SEMA4B: variants seen among roughly 807,000 people sequenced by gnomAD.
SEMA4B encodes semaphorin 4B.
SEMA4B carries 55 observed loss-of-function variants against 88.1 expected under a neutral mutation model. That is an observed-to-expected ratio of 0.62 (90% CI 0.50 to 0.78). The LOEUF is 0.78. SEMA4B is among the 30% of genes least tolerant of loss of function. The pLI, the probability that SEMA4B is intolerant of heterozygous loss-of-function variation, is 0.00. For missense variants in SEMA4B, 1,062 were observed against 1,111.9 expected (o/e 0.96, Z 0.64); for synonymous variants, 525 against 473.6 (o/e 1.11, Z -1.41).
At chr15:90,198,814 A>G (rs2151590070), upstream of SEMA4B, among the ~76,000 whole-genome samples, 1 of 152,258 alleles carries the variant, frequency 6.6e-6, no homozygotes, top group South Asian at 2.1e-4. Flanking sequence ...TGTGAATGAG[A>G]TGGGGGAACC....
At position 90,227,642 on chromosome 15, in the gene SEMA4B, G is replaced by T. The variant is rs776790716; in HGVS notation, c.1774G>T (p.Gly592Trp). Residue 592 changes from glycine to tryptophan, a missense_variant and splice_region_variant, in exon 13 of 14, where the codon GGG becomes TGG. Coordinates refer to ENST00000411539, the MANE Select transcript of SEMA4B (RefSeq NM_198925.4). ...TGTGTCCCCGTCTTTTGTACCAACA[G>T]GTGAGGTGCCCCCTCAAAAGGTGGA... The part of the protein sequence containing the change: ...SVVSPSFVPT[G>W]EKPCEQVQFQ... 3.1e-6 allele frequency: 5 copies of T among 1,613,936 alleles called. No individual in the cohort carries two copies. The highest frequency in any genetic ancestry group is 4.2e-6 in the Non-Finnish European group (5 of 1,179,800).
At chr15:90,221,509 G>T (rs1270605179) in intron 6 of SEMA4B, 29 bp downstream of exon 6, 6 of 1,605,762 alleles carry the variant, frequency 3.7e-6, no homozygotes, top group Admixed American at 1.7e-5. Context: ...CACCCAGAGG[G>T]CAGGGATCCT....
chr15:90,189,158 C>T (rs762466954), intron 1 of SEMA4B, among the ~76,000 whole-genome samples: 20 of 146,900 alleles, frequency 1.4e-4, no homozygotes, highest in Non-Finnish European at 2.7e-4. Context: ...TGAGCGAGGG[C>T]AGGAAGAAAA....
At chr15:90,191,635 C>G (rs1283167519) in intron 1 of SEMA4B, among the ~76,000 whole-genome samples, 1 of 152,222 alleles carries the variant, frequency 6.6e-6, no homozygotes, top group Non-Finnish European at 1.5e-5. Flanking sequence ...ACAGAAGAAC[C>G]TGTGTGCTCA....
chr15:90,228,094 G>T lies in SEMA4B; in HGVS notation c.1965G>T (p.Gln655His). 1.2e-6 allele frequency: 2 copies of T among 1,612,900 alleles called. No individual in the cohort carries two copies. The highest frequency in any genetic ancestry group is 2.2e-5 in the East Asian group (1 of 44,878). The stretch of plus-strand genomic sequence containing the variant: ...GCACCCAACAGCTGGGGGAGTTCCA[G>T]TGCTGGTCACTAGAGGAGGGCTTCC... ...LVGTQQLGEF[Q>H]CWSLEEGFQQ... Residue 655 changes from glutamine to histidine, a missense_variant, in exon 14 of 14, where the codon CAG (glutamine) becomes CAT (histidine). By Grantham distance (24) the Gln-to-His change is conservative. Transcript: ENST00000411539.
rs1960818254 is a variant in SEMA4B, at chr15:90,202,996, AC to A, written c.157+1263del. On this transcript the variant is annotated intron_variant, in intron 1 of 13. Transcript: ENST00000411539. ...ACCTCAGCCACTTAGTAACCATGTG[AC>A]CTTGAGCAGGCTACTTAAAGTTTCT... Among the ~76,000 whole-genome samples, 4 of 152,208 alleles carry A rather than the reference AC, an allele frequency of 2.6e-5. 1 individual carries two copies. Among genetic ancestry groups the A allele is most frequent in the Admixed American group, 2.6e-4 (4 of 15,282 alleles).
At chr15:90,211,925 A>G (rs547034251) in intron 1 of SEMA4B, among the ~76,000 whole-genome samples, 1 of 151,942 alleles carries the variant, frequency 6.6e-6, no homozygotes, top group Non-Finnish European at 1.5e-5. Context: ...CCGTGCCCGG[A>G]GCCACAGTAG....
At chr15:90,186,912 G>A (rs1326187044) in intron 1 of SEMA4B, among the ~76,000 whole-genome samples, 3 of 151,884 alleles carry the variant, frequency 2.0e-5, no homozygotes, top group Non-Finnish European at 2.9e-5. Flanking sequence ...CAGCCTGGGC[G>A]ACAGAGCAAG....
At chr15:90,201,193 G>C, upstream of SEMA4B, 2 of 460,938 alleles carry the variant, frequency 4.3e-6, no homozygotes, top group Non-Finnish European at 5.7e-6. Flanking sequence ...CGGGGCTACT[G>C]ATCCCGGGCT....
chr15:90,223,264 T>TA (rs1258465452), intron 7 of SEMA4B, among the ~76,000 whole-genome samples: 2 of 152,208 alleles, frequency 1.3e-5, no homozygotes, highest in Non-Finnish European at 2.9e-5. Flanking sequence ...GTACTTATAT[T>TA]ATTAACTCAC....
At chr15:90,210,534 C>G (rs1441039871) in intron 1 of SEMA4B, among the ~76,000 whole-genome samples, 1 of 152,106 alleles carries the variant, frequency 6.6e-6, no homozygotes, top group African/African-American at 2.4e-5. Context: ...GGCGGCATCC[C>G]CACCACTCCT....
At chr15:90,196,630 G>A (rs1211238654), upstream of SEMA4B, among the ~76,000 whole-genome samples, 2 of 152,094 alleles carry the variant, frequency 1.3e-5, no homozygotes, top group African/African-American at 4.8e-5. Context: ...GGGACTACAG[G>A]TGCGTGCCAC....
chr15:90,188,033 C>T (rs566728441), intron 1 of SEMA4B, among the ~76,000 whole-genome samples: 203 of 149,342 alleles, frequency 1.4e-3, no homozygotes, highest in African/African-American at 4.7e-3. Context: ...AGAAAAGAAA[C>T]GTGGGTCAGG....
intron 2 of SEMA4B, 67 bp from the exon 3 acceptor site, chr15:90,217,700 T>C: frequency 6.2e-7 from 1 of 1,602,710 alleles, no homozygotes. Context: ...ATGATGCCTA[T>C]GGGAGAGGAG....
intron 1 of SEMA4B, among the ~76,000 whole-genome samples, chr15:90,191,235 C>T (rs1740514278): frequency 6.6e-6 from 1 of 152,190 alleles, no homozygotes; most frequent in African/African-American, 2.4e-5. Flanking sequence ...GGCTCCTCAC[C>T]ACAGCGGACG....
intron 1 of SEMA4B, among the ~76,000 whole-genome samples, chr15:90,208,766 A>G (rs948963917): frequency 2.9e-4 from 32 of 109,732 alleles, no homozygotes; most frequent in Non-Finnish European, 5.6e-4. Context: ...TTTTTTTTTG[A>G]GATGGGGTCT....
chr15:90,207,574 T>A (rs1452784160), intron 1 of SEMA4B, among the ~76,000 whole-genome samples: 1 of 152,200 alleles, frequency 6.6e-6, no homozygotes, highest in African/African-American at 2.4e-5. Context: ...ATCAAGGTCA[T>A]GCAGCTATAG....
chr15:90,209,688 A>G (rs1961165747), intron 1 of SEMA4B, among the ~76,000 whole-genome samples: 1 of 152,242 alleles, frequency 6.6e-6, no homozygotes, highest in African/African-American at 2.4e-5. Context: ...AATGATGGGC[A>G]TACGGAGAAG....
At position 90,225,951 on chromosome 15, in the gene SEMA4B, T is replaced by C. The variant is rs1962154889; in HGVS notation, c.1688+124T>C. 5 of 702,706 alleles carry C rather than the reference T, an allele frequency of 7.1e-6. No homozygotes were observed. In the South Asian group the frequency reaches 1.7e-4, roughly 25 times the overall value. 43.5% of individuals were successfully genotyped at this position (702,706 alleles called of 1,614,324 possible). A position where few individuals can be genotyped will look rare whatever the true frequency, so the allele number is the denominator to read the frequency against. ...TTTATGTCCACTGTCTCAGCATAAT[T>C]ATTAATTAGCTCTCCTGCTTCCTCT... On this transcript the variant is annotated intron_variant, in intron 12 of 13. Transcript: ENST00000411539.
Sources: allele counts gnomAD v4.1 joint callset (sites outside exome capture counted in the v4.1 genomes callset), GRCh38; gene constraint gnomAD v4.1.1; transcripts MANE v1.5; gene names NCBI Gene and HGNC (gene_info 2026-07-23, HGNC 2026-07-21).